CAMK2G: variants seen among roughly 807,000 people sequenced by gnomAD.
The protein encoded by CAMK2G is calcium/calmodulin-dependent protein kinase type II subunit gamma.
A neutral mutation model predicts 88.7 loss-of-function variants in CAMK2G; 23 were observed. That is an observed-to-expected ratio of 0.26 (90% CI 0.19 to 0.37). The LOEUF is 0.37. Among genes scored for constraint, CAMK2G ranks in the 10% least tolerant of loss-of-function variants. The pLI is 1.00. For synonymous variants in CAMK2G, 263 were observed against 294.8 expected (o/e 0.89, Z 1.11); for missense variants, 476 against 780.8 (o/e 0.61, Z 4.65).
chr10:73,870,798 G>A (rs1021256949), intron 2 of CAMK2G, among the ~76,000 whole-genome samples: 2 of 152,142 alleles, frequency 1.3e-5, no homozygotes, highest in African/African-American at 4.8e-5. Flanking sequence ...AGTGTAAACT[G>A]AGAGTCTGCA....
chr10:73,821,806 A>AAACTCT, intron 17 of CAMK2G, 76 bp from the exon 18 acceptor site: 3 of 1,192,134 alleles, frequency 2.5e-6, no homozygotes, highest in Non-Finnish European at 3.7e-6. Flanking sequence ...ACAAAAGCAG[A>AAACTCT]GTTTCTGCTC....
intron 17 of CAMK2G, among the ~76,000 whole-genome samples, chr10:73,821,942 C>G (rs1475866628): frequency 6.6e-6 from 1 of 152,172 alleles, no homozygotes; most frequent in African/African-American, 2.4e-5. Context: ...GTTACTCAGG[C>G]TAAAACCTGG....
At chr10:73,824,586 T>C (rs1445456252) in intron 16 of CAMK2G, among the ~76,000 whole-genome samples, 2 of 152,192 alleles carry the variant, frequency 1.3e-5, no homozygotes, top group African/African-American at 4.8e-5. Flanking sequence ...GCGCCCGCCT[T>C]CTGCCTTCCC....
At chr10:73,838,733 C>T (rs2093485552) in intron 13 of CAMK2G, among the ~76,000 whole-genome samples, 1 of 152,198 alleles carries the variant, frequency 6.6e-6, no homozygotes, top group African/African-American at 2.4e-5. Flanking sequence ...CTGTGCCTGA[C>T]CGCCTACTGT....
chr10:73,842,135 G>A lies in CAMK2G; in HGVS notation c.946+34C>T, dbSNP rs753797210. ...AGCCCATTCCTGATCCACTCACCTC[G>A]GCATAATCAAAGTACACAGCTGGGA... On this transcript the variant is annotated intron_variant, in intron 12 of 22. Coordinates refer to ENST00000423381, the MANE Select transcript of CAMK2G (RefSeq NM_001367534.1). The surrounding 1 kb of genome is among the most constrained non-coding windows in gnomAD (Gnocchi z 4.6). 4.4e-6 allele frequency: 7 copies of A among 1,581,442 alleles called. No individual in the cohort carries two copies. Among genetic ancestry groups the A allele is most frequent in the Middle Eastern group, 1.7e-4 (1 of 6,026 alleles).
At chr10:73,826,718 TC>T (rs2091060614) in intron 15 of CAMK2G, among the ~76,000 whole-genome samples, 1 of 152,148 alleles carries the variant, frequency 6.6e-6, no homozygotes, top group Admixed American at 6.5e-5. Flanking sequence ...AGATGATACA[TC>T]GACAGCTAGA....
At chr10:73,871,460 A>G (rs1357731965) in intron 2 of CAMK2G, among the ~76,000 whole-genome samples, 2 of 152,168 alleles carry the variant, frequency 1.3e-5, no homozygotes, top group African/African-American at 4.8e-5. Flanking sequence ...AGAGCAAAGC[A>G]TTGCATCATC....
At chr10:73,841,316 A>AG (rs991901255) in intron 12 of CAMK2G, among the ~76,000 whole-genome samples, 9 of 151,990 alleles carry the variant, frequency 5.9e-5, no homozygotes, top group Non-Finnish European at 1.2e-4. Flanking sequence ...GGGAAGGAGA[A>AG]GGGGGGGTCT....
intron 1 of CAMK2G, chr10:73,873,309 T>G (rs1276976246): frequency 1.5e-6 from 2 of 1,342,268 alleles, no homozygotes; most frequent in African/African-American, 1.5e-5. Flanking sequence ...TCCCACCCCC[T>G]CATCCAGTCC....
chr10:73,869,183 T>C (rs1200450021), intron 2 of CAMK2G, among the ~76,000 whole-genome samples: 5 of 152,250 alleles, frequency 3.3e-5, no homozygotes, highest in African/African-American at 1.2e-4. Context: ...ATGCAGATTC[T>C]GCAGCTCCAC....
At chr10:73,853,371 G>C (rs1384995375) in intron 3 of CAMK2G, 125 bp from the exon 4 acceptor site, 3 of 805,780 alleles carry the variant, frequency 3.7e-6, no homozygotes, top group African/African-American at 1.7e-5. Flanking sequence ...AAGGAGCAGT[G>C]GGGGGAAGTG....
intron 2 of CAMK2G, among the ~76,000 whole-genome samples, chr10:73,866,403 C>T (rs2095594907): frequency 6.6e-6 from 1 of 152,114 alleles, no homozygotes; most frequent in South Asian, 2.1e-4. Context: ...CCAGGGAGGG[C>T]TGGCCACAGA....
intron 19 of CAMK2G, chr10:73,818,448 T>C (rs1269568583): frequency 6.0e-6 from 2 of 332,734 alleles, no homozygotes; most frequent in African/African-American, 4.3e-5. Context: ...AGAGCTTGGG[T>C]TGAGCTTGGG....
At chr10:73,847,955 C>T in intron 9 of CAMK2G, 33 bp downstream of exon 9, 1 of 1,336,908 alleles carries the variant, frequency 7.5e-7, no homozygotes, top group Non-Finnish European at 1.1e-6. Context: ...ATCTGCCCTT[C>T]CTGGCCTGGC....
At chr10:73,852,621 G>A in intron 4 of CAMK2G, 1 of 400,942 alleles carries the variant, frequency 2.5e-6, no homozygotes, top group Non-Finnish European at 4.5e-6. Flanking sequence ...TACCCCAAAA[G>A]TCACAGCTTT....
intron 18 of CAMK2G, among the ~76,000 whole-genome samples, chr10:73,820,663 ATTT>A (rs1198716305): frequency 3.9e-4 from 18 of 46,128 alleles, no homozygotes; most frequent in African/African-American, 1.7e-3. Flanking sequence ...CACCCGGCTA[ATTT>A]TTTTTTTTTT....
chr10:73,829,785 T>C (rs2092086736), intron 14 of CAMK2G, among the ~76,000 whole-genome samples: 1 of 151,558 alleles, frequency 6.6e-6, no homozygotes, highest in Admixed American at 6.6e-5. Flanking sequence ...TTCAGGAAGG[T>C]TCCTATCTTA....
At chr10:73,870,821 C>A (rs200687683) in intron 2 of CAMK2G, among the ~76,000 whole-genome samples, 2 of 152,104 alleles carry the variant, frequency 1.3e-5, no homozygotes, top group East Asian at 3.8e-4. Flanking sequence ...GAAGCCATGG[C>A]CCTCACTCCC....
intron 9 of CAMK2G, among the ~76,000 whole-genome samples, chr10:73,847,648 T>G (rs2094343055): frequency 6.6e-6 from 1 of 152,206 alleles, no homozygotes; most frequent in African/African-American, 2.4e-5. Flanking sequence ...GGCTCAGCAA[T>G]GTGTCCAAGG....
Sources: gnomAD v4.1 joint callset for allele counts (sites outside exome capture counted in the v4.1 genomes callset) on GRCh38, gnomAD v4.1.1 for gene constraint, Gnocchi (gnomAD v3.1) non-coding constraint, MANE v1.5 for transcripts, NCBI Gene and HGNC (gene_info 2026-07-23, HGNC 2026-07-21) for gene names.